Variants in ZNF385B observed in about 807,000 individuals in gnomAD.
ZNF385B encodes zinc finger protein 385B.
A neutral mutation model predicts 39.2 loss-of-function variants in ZNF385B; 23 were observed. The ratio of observed to expected loss-of-function variants is 0.59; its 90% CI spans 0.42 to 0.83. The LOEUF (loss-of-function observed/expected upper bound fraction) is 0.83. Ranked by LOEUF, ZNF385B falls within the 40% of genes least tolerant of loss-of-function variation. The pLI, the probability that ZNF385B is intolerant of heterozygous loss-of-function variation, is 0.00. For missense variants in ZNF385B, 552 were observed against 598.9 expected, an observed-to-expected ratio of 0.92 and a Z score of 0.82; for synonymous variants, 205 against 222.6, an observed-to-expected ratio of 0.92 and a Z score of 0.70.
chr2:179,616,121 T>C (rs753292075), intron 3 of ZNF385B, among the ~76,000 whole-genome samples: 16 of 152,190 alleles, frequency 1.1e-4, no homozygotes, highest in Non-Finnish European at 2.1e-4. Context: ...ACATATTAGC[T>C]GTGTAACTTC....
At chr2:179,471,585 C>T (rs1342130313) in intron 6 of ZNF385B, among the ~76,000 whole-genome samples, 1 of 152,182 alleles carries the variant, frequency 6.6e-6, no homozygotes, top group African/African-American at 2.4e-5. Flanking sequence ...TCAGACATTA[C>T]AGTTGTCATA....
At chr2:179,483,720 TCA>T (rs371887864) in intron 5 of ZNF385B, among the ~76,000 whole-genome samples, 1 of 152,200 alleles carries the variant, frequency 6.6e-6, no homozygotes, top group African/African-American at 2.4e-5. Flanking sequence ...AGCTTTGTCA[TCA>T]GTGCCCTCCC....
chr2:179,812,799 A>C (rs78944099), intron 1 of ZNF385B, among the ~76,000 whole-genome samples: 1,974 of 152,186 alleles, frequency 0.013, 47 homozygotes, highest in African/African-American at 0.044. Flanking sequence ...TTATGTATTT[A>C]TTTTACTTTC....
chr2:179,745,305 C>T (rs557822276), intron 3 of ZNF385B, among the ~76,000 whole-genome samples: 2 of 152,236 alleles, frequency 1.3e-5, no homozygotes, highest in East Asian at 3.9e-4. Context: ...ATCTGTCTTT[C>T]ATGTCAAAGA....
chr2:179,647,230 C>G (rs1198439268), intron 3 of ZNF385B, among the ~76,000 whole-genome samples: 1 of 152,120 alleles, frequency 6.6e-6, no homozygotes, highest in South Asian at 2.1e-4. Flanking sequence ...ACTATACTAT[C>G]TGGGAACTCT....
chr2:179,843,145 C>G (rs1708627336), intron 1 of ZNF385B, among the ~76,000 whole-genome samples: 1 of 152,208 alleles, frequency 6.6e-6, no homozygotes, highest in Admixed American at 6.5e-5. Flanking sequence ...GCTCCTCCTA[C>G]CTCCCAGGAT....
At position 179,443,100 on chromosome 2, in the gene ZNF385B, G is replaced by A. The variant is rs879935655; in HGVS notation, c.*150C>T. The A allele has an allele frequency of 4.7e-5, 39 of 831,938 alleles. No individual in the cohort carries two copies. The highest frequency in any genetic ancestry group is 1.0e-4 in the Admixed American group (5 of 49,574). The allele number at this position is 831,938 out of a possible 1,614,324, so 51.5% of individuals were successfully genotyped here. ...AAAGCCCTCGTCAATCTAGTGATGT[G>A]TTTCTCTCTGGAATTGGGGGACTGG... On this transcript the variant is annotated 3_prime_UTR_variant, in exon 10 of 10. Transcript: ENST00000410066.
At chr2:179,797,108 C>T (rs1295829530) in intron 1 of ZNF385B, among the ~76,000 whole-genome samples, 2 of 152,046 alleles carry the variant, frequency 1.3e-5, no homozygotes, top group Admixed American at 1.3e-4. Context: ...ATAACTGTTT[C>T]ACAGAAACAA....
At chr2:179,468,845 G>T (rs1330158648) in intron 6 of ZNF385B, among the ~76,000 whole-genome samples, 1 of 112,084 alleles carries the variant, frequency 8.9e-6, no homozygotes, top group Non-Finnish European at 1.8e-5. Context: ...CAGGTACCAG[G>T]TTCTTACTCT....
At chr2:179,494,396 A>T (rs2055927759) in intron 5 of ZNF385B, among the ~76,000 whole-genome samples, 1 of 152,114 alleles carries the variant, frequency 6.6e-6, no homozygotes, top group South Asian at 2.1e-4. Flanking sequence ...GGGTGAGGCA[A>T]AGTAGAAGAG....
intron 3 of ZNF385B, among the ~76,000 whole-genome samples, chr2:179,555,565 T>C (rs2060852721): frequency 6.7e-6 from 1 of 149,742 alleles, no homozygotes; most frequent in Non-Finnish European, 1.5e-5. Context: ...TAGGCAAAAT[T>C]TCCCAATAAG....
intron 3 of ZNF385B, among the ~76,000 whole-genome samples, chr2:179,666,555 A>G (rs1299616989): frequency 1.3e-5 from 2 of 152,234 alleles, no homozygotes; most frequent in Non-Finnish European, 2.9e-5. Flanking sequence ...AATACATGTT[A>G]TATAATCATA....
chr2:179,446,702 G>C lies in ZNF385B; in HGVS notation c.784C>G (p.Leu262Val), dbSNP rs1208455266. 1 of 1,614,060 alleles carries C rather than the reference G, an allele frequency of 6.2e-7. No individual in the cohort carries two copies. Among genetic ancestry groups the C allele is most frequent in the East Asian group, 2.2e-5 (1 of 44,882 alleles). Residue 262 changes from leucine (L) to valine (V), a missense_variant, in exon 7 of 10, where the codon CTC (leucine) becomes GTC (valine). Transcript: ENST00000410066. ...GGCAGGGGTGTTGTGCCAGATTTGA[G>C]GAGAAATGAGCCACTTTCAGAGCTT... is the stretch of plus-strand genomic sequence containing the variant. Reference protein sequence around the residue: ...PSSSESGSFLLKSGTTPLPPG... With the variant: ...PSSSESGSFLVKSGTTPLPPG...
At position 179,499,325 on chromosome 2, in the gene ZNF385B, T is replaced by G. The variant is rs150057765; in HGVS notation, c.553-15891A>C. On this transcript the variant is annotated intron_variant, in intron 5 of 9. Coordinates refer to ENST00000410066, the MANE Select transcript of ZNF385B (RefSeq NM_152520.6). ...CCAAACTCGTTCTACAAGGCCAGTA[T>G]TACACATTACAAAGACATAAAAAAA... Among the ~76,000 whole-genome samples the G allele has an allele frequency of 1.2e-3, 183 of 151,896 alleles. 1 individual carries two copies. The highest frequency in any genetic ancestry group is 5.4e-3 in the East Asian group (28 of 5,172).
chr2:179,536,939 C>A (rs919991513), intron 4 of ZNF385B, among the ~76,000 whole-genome samples: 1 of 152,070 alleles, frequency 6.6e-6, no homozygotes, highest in African/African-American at 2.4e-5. Flanking sequence ...AAAACAAAGC[C>A]CTTAGTAAGA....
chr2:179,663,988 T>C (rs1489925151), intron 3 of ZNF385B, among the ~76,000 whole-genome samples: 9 of 152,098 alleles, frequency 5.9e-5, no homozygotes, highest in Non-Finnish European at 1.2e-4. Context: ...AACTAAAGTT[T>C]TTCTGTAATG....
chr2:179,573,415 C>A (rs1685453553), intron 3 of ZNF385B, among the ~76,000 whole-genome samples: 1 of 151,602 alleles, frequency 6.6e-6, no homozygotes, highest in South Asian at 2.1e-4. Flanking sequence ...CTTTGTGAGG[C>A]CAGCAGCTAT....
At chr2:179,628,959 G>C (rs1213728531) in intron 3 of ZNF385B, among the ~76,000 whole-genome samples, 1 of 152,008 alleles carries the variant, frequency 6.6e-6, no homozygotes, top group African/African-American at 2.4e-5. Flanking sequence ...AAAACTTTTT[G>C]CTATCATTAT....
At chr2:179,759,264 C>T (rs1209113269) in intron 3 of ZNF385B, among the ~76,000 whole-genome samples, 2 of 152,106 alleles carry the variant, frequency 1.3e-5, no homozygotes, top group Admixed American at 1.3e-4. Context: ...ATAAGCTCTG[C>T]AATTGTGTGG....
Sources: allele counts gnomAD v4.1 joint callset (sites outside exome capture counted in the v4.1 genomes callset), GRCh38; gene constraint gnomAD v4.1.1; transcripts MANE v1.5; gene names NCBI Gene and HGNC (gene_info 2026-07-23, HGNC 2026-07-21).